Variants in ZFHX3 observed in about 807,000 individuals in gnomAD.
ZFHX3 encodes zinc finger homeobox protein 3.
In ZFHX3, 42 loss-of-function variants were observed where a neutral mutation model predicts 279.1. That is an observed-to-expected ratio of 0.15 (90% CI 0.12 to 0.19). The LOEUF (loss-of-function observed/expected upper bound fraction) is 0.19, where lower values mean the gene tolerates loss of function less well. Ranked by LOEUF, ZFHX3 falls within the 10% of genes least tolerant of loss-of-function variation. ZFHX3 has a pLI of 1.00. For missense variants in ZFHX3, 4,981 were observed against 4,754.0 expected (o/e 1.05, Z -1.40); for synonymous variants, 2,293 against 1,957.8 (o/e 1.17, Z -4.52).
intron 6 of ZFHX3, among the ~76,000 whole-genome samples, chr16:73,138,926 C>A (rs375734571): frequency 6.6e-6 from 1 of 152,156 alleles, no homozygotes; most frequent in Non-Finnish European, 1.5e-5. Context: ...CCTAGGCTTA[C>A]GCAATCCTCC....
At chr16:73,057,986 C>A (rs1388685429) in intron 1 of ZFHX3, among the ~76,000 whole-genome samples, 1 of 147,700 alleles carries the variant, frequency 6.8e-6, no homozygotes, top group Non-Finnish European at 1.5e-5. Flanking sequence ...AAGTTGGGGG[C>A]CGGGAGCGGC....
chr16:73,319,544 A>G (rs2015529838), intron 3 of ZFHX3, among the ~76,000 whole-genome samples: 1 of 151,968 alleles, frequency 6.6e-6, no homozygotes, highest in South Asian at 2.1e-4. Flanking sequence ...GGGGAAGCTA[A>G]GAAGAAACTC....
rs1426094429 is a variant in ZFHX3, at chr16:73,737,501, G to A, written c.-1607-57261C>T. Among the ~76,000 whole-genome samples the A allele has an allele frequency of 2.0e-5, 3 of 152,094 alleles. No individual in the cohort carries two copies. In the South Asian group the frequency reaches 6.2e-4, roughly 32 times the overall value. On this transcript the variant is annotated intron_variant, in intron 1 of 17. Coordinates refer to the ZFHX3 transcript ENST00000641206. ...TCTGAAGTTTCTGAGAAAATGCCCGGATATTTTACCATCATGAAGAGTAAT... is the reference window on the plus strand; with the variant it reads ...TCTGAAGTTTCTGAGAAAATGCCCGAATATTTTACCATCATGAAGAGTAAT...
intron 4 of ZFHX3, among the ~76,000 whole-genome samples, chr16:72,851,647 C>T (rs944249104): frequency 3.9e-5 from 6 of 151,990 alleles, no homozygotes; most frequent in East Asian, 1.9e-4. Context: ...CTCCGCCTCC[C>T]GGGTTCAAGA....
chr16:72,876,774 C>T (rs562564644), intron 4 of ZFHX3, among the ~76,000 whole-genome samples: 3 of 152,012 alleles, frequency 2.0e-5, no homozygotes, highest in African/African-American at 4.8e-5. Flanking sequence ...CAGAAAAAGC[C>T]GCCTGTGGCC....
chr16:73,623,906 G>A (rs1205884609), intron 2 of ZFHX3, among the ~76,000 whole-genome samples: 1 of 152,166 alleles, frequency 6.6e-6, no homozygotes, highest in Non-Finnish European at 1.5e-5. Context: ...AACCAATCAT[G>A]TTGCAAATAG....
At chr16:73,474,129 TTTTATTTA>T (rs578092478) in intron 2 of ZFHX3, among the ~76,000 whole-genome samples, 10 of 148,704 alleles carry the variant, frequency 6.7e-5, no homozygotes, top group African/African-American at 2.5e-4. Context: ...TCTCGCTCTT[TTTTATTTA>T]TTTATTTATT....
In ZFHX3 at chr16:72,928,222, G is replaced by A. The variant is rs373315442; in HGVS notation, c.3216+22247C>T. On this transcript the variant is annotated intron_variant, in intron 3 of 9. Transcript: ENST00000268489. The stretch of plus-strand genomic sequence containing the variant: ...GGAGCGAGGGGGAGCGAAGGGGAGC[G>A]AGGGGGAGCGAGAGAGGAAAGGGCT... Among the ~76,000 whole-genome samples the A allele has an allele frequency of 4.6e-3, 315 of 67,862 alleles. 55 individuals are homozygous for A. The highest frequency in any genetic ancestry group is 5.1e-3 in the African/African-American group (79 of 15,418). 44.5% of individuals were successfully genotyped at this position (67,862 alleles called of 152,430 possible).
intron 4 of ZFHX3, among the ~76,000 whole-genome samples, chr16:72,849,914 C>G (rs1461887755): frequency 7.5e-6 from 1 of 133,540 alleles, no homozygotes; most frequent in East Asian, 2.4e-4. Context: ...AAAATTCACA[C>G]CTACCCTTCC....
intron 1 of ZFHX3, among the ~76,000 whole-genome samples, chr16:72,968,188 C>T: frequency 6.6e-6 from 1 of 151,874 alleles, no homozygotes; most frequent in East Asian, 1.9e-4. Flanking sequence ...CAAAAACGCA[C>T]AACCGGAATC....
intron 4 of ZFHX3, among the ~76,000 whole-genome samples, chr16:72,862,825 T>C (rs2143905111): frequency 7.0e-6 from 1 of 142,224 alleles, no homozygotes; most frequent in African/African-American, 3.0e-5. Flanking sequence ...TCAACCAAAA[T>C]TGCAAGGAAG....
chr16:73,745,545 T>C (rs2053695980), intron 1 of ZFHX3, among the ~76,000 whole-genome samples: 2 of 152,188 alleles, frequency 1.3e-5, no homozygotes, highest in Admixed American at 6.5e-5. Flanking sequence ...AAAATCTCCC[T>C]TGAAGGCATT....
At chr16:73,693,474 A>T (rs1202054476) in intron 1 of ZFHX3, among the ~76,000 whole-genome samples, 1 of 152,104 alleles carries the variant, frequency 6.6e-6, no homozygotes, top group African/African-American at 2.4e-5. Context: ...CTGCACCGAG[A>T]AGTGTTCCCG....
chr16:73,122,962 A>T (rs970450492), intron 7 of ZFHX3, among the ~76,000 whole-genome samples: 3 of 151,996 alleles, frequency 2.0e-5, no homozygotes, highest in Admixed American at 1.3e-4. Flanking sequence ...TAGCCTAATT[A>T]AAAAAAATTC....
At chr16:72,963,832 C>G (rs915399735) in intron 1 of ZFHX3, among the ~76,000 whole-genome samples, 3 of 152,098 alleles carry the variant, frequency 2.0e-5, no homozygotes, top group African/African-American at 7.2e-5. Context: ...TGCTGTTGCT[C>G]CAGCTCCCGG....
intron 1 of ZFHX3, among the ~76,000 whole-genome samples, chr16:73,724,268 C>T (rs2053499710): frequency 6.6e-6 from 1 of 152,304 alleles, no homozygotes; most frequent in African/African-American, 2.4e-5. Flanking sequence ...CTTTACTAGT[C>T]TCAGCAATTC....
At chr16:73,838,290 T>G (rs1961199086) in intron 1 of ZFHX3, among the ~76,000 whole-genome samples, 1 of 152,216 alleles carries the variant, frequency 6.6e-6, no homozygotes, top group Non-Finnish European at 1.5e-5. Flanking sequence ...GTTTTGGACT[T>G]TTGTGCATTC....
intron 2 of ZFHX3, among the ~76,000 whole-genome samples, chr16:73,470,818 C>A (rs551113168): frequency 1.1e-3 from 164 of 152,302 alleles, no homozygotes; most frequent in African/African-American, 3.8e-3. Flanking sequence ...TTATCTATAC[C>A]TCATCACGGC....
At chr16:73,531,485 T>C (rs1200273397) in intron 2 of ZFHX3, among the ~76,000 whole-genome samples, 1 of 151,696 alleles carries the variant, frequency 6.6e-6, no homozygotes, top group Non-Finnish European at 1.5e-5. Flanking sequence ...GAGGATGAGG[T>C]GGGGGGACTG....
Sources: allele counts gnomAD v4.1 joint callset (sites outside exome capture counted in the v4.1 genomes callset), GRCh38; gene constraint gnomAD v4.1.1; transcripts MANE v1.5; gene names NCBI Gene and HGNC (gene_info 2026-07-23, HGNC 2026-07-21).